Variants in DCC observed in about 807,000 individuals in gnomAD.
DCC encodes netrin receptor DCC.
In DCC, 58 loss-of-function variants were observed where a neutral mutation model predicts 172.5. The observed-to-expected ratio is 0.34, with a 90% confidence interval of 0.27 to 0.42. The LOEUF (loss-of-function observed/expected upper bound fraction) is 0.42, where lower values mean the gene tolerates loss of function less well. Ranked by LOEUF, DCC falls within the 10% of genes least tolerant of loss-of-function variation. The pLI is 1.00. For synonymous variants in DCC, 709 were observed against 644.5 expected (o/e 1.10, Z -1.52); for missense variants, 1,740 against 1,791.0 (o/e 0.97, Z 0.51).
chr18:52,949,831 A>C (rs2040607212), intron 5 of DCC, among the ~76,000 whole-genome samples: 1 of 152,236 alleles, frequency 6.6e-6, no homozygotes. Context: ...GCACATGTAA[A>C]TATATTTCTG....
At chr18:52,649,081 A>G (rs2144919163) in intron 1 of DCC, among the ~76,000 whole-genome samples, 1 of 152,298 alleles carries the variant, frequency 6.6e-6, no homozygotes, top group African/African-American at 2.4e-5. Context: ...GTAACTAAAG[A>G]TTAACTTTAT....
chr18:53,133,831 G>C (rs1229671229), intron 7 of DCC, among the ~76,000 whole-genome samples: 1 of 152,066 alleles, frequency 6.6e-6, no homozygotes, highest in African/African-American at 2.4e-5. Flanking sequence ...AAAGCCAGGA[G>C]ATACAACAAT....
chr18:52,906,442 C>G (rs138380982), intron 3 of DCC, 114 bp downstream of exon 3: 2 of 1,095,230 alleles, frequency 1.8e-6, no homozygotes, highest in African/African-American at 3.2e-5. Context: ...TTGTTCATTG[C>G]GTTTTGTTTA....
intron 5 of DCC, among the ~76,000 whole-genome samples, chr18:52,952,577 A>G (rs545217136): frequency 3.4e-4 from 52 of 152,242 alleles, no homozygotes; most frequent in Non-Finnish European, 5.6e-4. Context: ...AAAGCTTTCT[A>G]CTCAGCTCAA....
intron 5 of DCC, among the ~76,000 whole-genome samples, chr18:52,984,622 C>G (rs1333464837): frequency 6.6e-6 from 1 of 152,046 alleles, no homozygotes; most frequent in Non-Finnish European, 1.5e-5. Flanking sequence ...CTTCTTTCAG[C>G]TGTACGTGTA....
chr18:53,196,167 C>G (rs2055439939), intron 9 of DCC, among the ~76,000 whole-genome samples: 1 of 152,048 alleles, frequency 6.6e-6, no homozygotes, highest in Non-Finnish European at 1.5e-5. Flanking sequence ...AACCTAAGCA[C>G]ATTTGGGTGA....
At chr18:53,289,387 A>G (rs2056973755) in intron 12 of DCC, among the ~76,000 whole-genome samples, 1 of 152,208 alleles carries the variant, frequency 6.6e-6, no homozygotes. Flanking sequence ...TTAGAGGCAT[A>G]AATTCTCTAC....
intron 20 of DCC, among the ~76,000 whole-genome samples, chr18:53,411,852 G>A (rs1910008420): frequency 2.0e-5 from 3 of 152,134 alleles, no homozygotes; most frequent in Non-Finnish European, 2.9e-5. Context: ...CACTCCAAAT[G>A]AGCAATCAAA....
At chr18:52,670,671 C>G (rs1250323565) in intron 1 of DCC, among the ~76,000 whole-genome samples, 8 of 152,102 alleles carry the variant, frequency 5.3e-5, no homozygotes, top group Admixed American at 5.2e-4. Flanking sequence ...GAAACCCCAT[C>G]TCTACTAAAA....
chr18:52,751,990 G>A (rs571322682), intron 1 of DCC, 64 bp from the exon 2 acceptor site: 6 of 1,361,868 alleles, frequency 4.4e-6, no homozygotes, highest in Non-Finnish European at 6.3e-6. Flanking sequence ...AGAAAAGACA[G>A]GGAATCTAAG....
At chr18:52,380,066 C>T (rs1022896725) in intron 1 of DCC, among the ~76,000 whole-genome samples, 1 of 151,950 alleles carries the variant, frequency 6.6e-6, no homozygotes, top group Admixed American at 6.6e-5. Flanking sequence ...GGAGGAATAT[C>T]GTTTCCACAC....
At chr18:52,464,366 G>C (rs141417871) in intron 1 of DCC, among the ~76,000 whole-genome samples, 92 of 152,220 alleles carry the variant, frequency 6.0e-4, no homozygotes, top group Non-Finnish European at 1.0e-3. Flanking sequence ...TTAGTTCCCT[G>C]CATCCTTAAG....
intron 12 of DCC, among the ~76,000 whole-genome samples, chr18:53,292,114 C>G (rs2057011696): frequency 9.8e-5 from 1 of 10,164 alleles, no homozygotes; most frequent in Non-Finnish European, 8.3e-4. Flanking sequence ...TTGAGCTCCA[C>G]CCCCCCCCCC....
intron 1 of DCC, among the ~76,000 whole-genome samples, chr18:52,625,130 T>C (rs1468369423): frequency 6.6e-6 from 1 of 152,034 alleles, no homozygotes; most frequent in Non-Finnish European, 1.5e-5. Flanking sequence ...TATCTAAACA[T>C]AGAAAAGGTA....
At chr18:52,782,851 G>A (rs752099124) in intron 2 of DCC, among the ~76,000 whole-genome samples, 7 of 152,048 alleles carry the variant, frequency 4.6e-5, no homozygotes, top group Non-Finnish European at 7.4e-5. Flanking sequence ...TATACTCTTC[G>A]TATAAACATT....
At chr18:52,962,052 G>A (rs1285251204) in intron 5 of DCC, among the ~76,000 whole-genome samples, 13 of 151,912 alleles carry the variant, frequency 8.6e-5, no homozygotes, top group African/African-American at 3.1e-4. Flanking sequence ...GCATGGGCAA[G>A]GACTTCATGT....
rs188636446 is a variant in DCC, at chr18:52,817,102, A to G, written c.412+64728A>G. Among the ~76,000 whole-genome samples, 327 of 152,298 alleles carry G rather than the reference A, an allele frequency of 2.1e-3. 2 individuals carry two copies. The highest frequency in any genetic ancestry group is 0.011 in the Admixed American group (173 of 15,304). ...TTATATCCCTTGATCCAAATTATTT[A>G]TTGTTGACAATTATTACTTAAGATA... On this transcript the variant is annotated intron_variant, in intron 2 of 28. Coordinates refer to ENST00000442544, the MANE Select transcript of DCC (RefSeq NM_005215.4).
chr18:53,499,176 G>T, intron 26 of DCC, 122 bp from the exon 27 acceptor site: 1 of 925,540 alleles, frequency 1.1e-6, no homozygotes, highest in Non-Finnish European at 1.7e-6. Context: ...TTCATAACTT[G>T]GAGAAGAGAC....
In DCC at chr18:52,356,821, C is replaced by T. The variant is rs573948649; in HGVS notation, c.91+15943C>T. ...TTTTTGAGTCAGAGTCTCACTCTGT[C>T]GCCTAGGCTGGAGTGCAGTGATGTG... On this transcript the variant is annotated intron_variant, in intron 1 of 28. Coordinates refer to ENST00000442544, the MANE Select transcript of DCC (RefSeq NM_005215.4). 3.2e-4 allele frequency among the ~76,000 whole-genome samples: 48 copies of T among 151,800 alleles called. 1 individual carries two copies. The highest frequency in any genetic ancestry group is 2.0e-3 in the Admixed American group (31 of 15,244).
Sources: gnomAD v4.1 joint callset for allele counts (sites outside exome capture counted in the v4.1 genomes callset) on GRCh38, gnomAD v4.1.1 for gene constraint, MANE v1.5 for transcripts, NCBI Gene and HGNC (gene_info 2026-07-23, HGNC 2026-07-21) for gene names.